Variants in DNM3 observed in about 807,000 individuals in gnomAD.
The protein encoded by DNM3 is dynamin 3, also known as dynamin-3.
Under a neutral mutation model 101.6 loss-of-function variants are expected in DNM3, and 47 were observed. The observed-to-expected ratio is 0.46, with a 90% CI of 0.37 to 0.59. The LOEUF is 0.59. Among genes scored for constraint, DNM3 ranks in the 20% least tolerant of loss-of-function variants. The pLI is 0.00. For synonymous variants in DNM3, 385 were observed against 387.9 expected (o/e 0.99, Z 0.09); for missense variants, 849 against 1,085.7 (o/e 0.78, Z 3.06).
chr1:172,111,412 A>C (rs2055469173), intron 13 of DNM3, among the ~76,000 whole-genome samples: 1 of 152,258 alleles, frequency 6.6e-6, no homozygotes, highest in African/African-American at 2.4e-5. Context: ...CTACTTGATA[A>C]TAATATCAGC....
intron 16 of DNM3, among the ~76,000 whole-genome samples, chr1:172,321,462 C>T (rs909621412): frequency 6.6e-6 from 1 of 152,176 alleles, no homozygotes; most frequent in Non-Finnish European, 1.5e-5. Context: ...ATTGCTGCCA[C>T]ACAGAGTAGT....
At chr1:172,225,039 T>G (rs1424788964) in intron 14 of DNM3, among the ~76,000 whole-genome samples, 1 of 151,920 alleles carries the variant, frequency 6.6e-6, no homozygotes, top group Non-Finnish European at 1.5e-5. Context: ...GAGTCAGGAC[T>G]AGGACTCAGG....
chr1:172,390,424 G>T (rs1046181944), intron 20 of DNM3, among the ~76,000 whole-genome samples: 6 of 152,188 alleles, frequency 3.9e-5, no homozygotes, highest in African/African-American at 1.4e-4. Flanking sequence ...TCCTGACCAT[G>T]ACCCCAGGGT....
chr1:172,179,223 A>C (rs1202434499), intron 14 of DNM3, among the ~76,000 whole-genome samples: 2 of 151,982 alleles, frequency 1.3e-5, no homozygotes, highest in East Asian at 3.9e-4. Flanking sequence ...ATCTACATGT[A>C]ATGAAGTGGA....
At chr1:172,062,656 T>C (rs1265214822) in intron 10 of DNM3, among the ~76,000 whole-genome samples, 1 of 152,180 alleles carries the variant, frequency 6.6e-6, no homozygotes, top group African/African-American at 2.4e-5. Context: ...TTTCCCTTCC[T>C]GCCAACTTCA....
intron 10 of DNM3, 148 bp from the exon 11 acceptor site, chr1:172,068,671 A>G (rs2051899701): frequency 4.6e-6 from 3 of 656,220 alleles, no homozygotes; most frequent in Non-Finnish European, 8.0e-6. Flanking sequence ...CATCACCTTG[A>G]CATCCTTCTT....
In DNM3 at chr1:171,984,101, A is replaced by C. The variant is rs193127201; in HGVS notation, c.236-3555A>C. Among the ~76,000 whole-genome samples, 5 of 152,172 alleles carry C rather than the reference A, an allele frequency of 3.3e-5. No homozygotes were observed. In the East Asian group the frequency reaches 9.7e-4, roughly 29 times the overall value. On this transcript the variant is annotated intron_variant, in intron 2 of 20. Transcript: ENST00000627582. ...CAAATTCTGTTGCTTTTTCTTTCAA[A>C]ATACATTAGAATTTAACCACTCATC...
intron 2 of DNM3, among the ~76,000 whole-genome samples, chr1:171,962,218 G>A (rs985046274): frequency 1.5e-4 from 23 of 152,094 alleles, no homozygotes; most frequent in Admixed American, 2.0e-4. Context: ...ACTCTTAGAG[G>A]CTCCTTTCAC....
intron 14 of DNM3, among the ~76,000 whole-genome samples, chr1:172,194,805 C>A (rs2059887954): frequency 1.3e-5 from 2 of 152,034 alleles, no homozygotes; most frequent in African/African-American, 2.4e-5. Context: ...TGGGTCTTGA[C>A]TCTTTATCCA....
intron 14 of DNM3, among the ~76,000 whole-genome samples, chr1:172,172,792 C>A (rs116445403): frequency 6.6e-6 from 1 of 151,750 alleles, no homozygotes; most frequent in Non-Finnish European, 1.5e-5. Flanking sequence ...CACTTCCCAT[C>A]CCGAGTAGGC....
intron 14 of DNM3, among the ~76,000 whole-genome samples, chr1:172,222,202 T>A (rs1035214170): frequency 6.6e-6 from 1 of 152,168 alleles, no homozygotes; most frequent in Admixed American, 6.6e-5. Context: ...GAAAGAAACA[T>A]GGCCACTTGC....
chr1:171,895,223 C>T (rs1388916081), intron 1 of DNM3, among the ~76,000 whole-genome samples: 1 of 152,230 alleles, frequency 6.6e-6, no homozygotes, highest in Non-Finnish European at 1.5e-5. Flanking sequence ...CTGTCTTCCA[C>T]AGTGGTTGAA....
Position 172,280,085 on chromosome 1 carries a change from C to T in DNM3, c.1769+26403C>T, listed in dbSNP as rs145441213. Among the ~76,000 whole-genome samples the T allele has an allele frequency of 4.7e-3, 723 of 152,216 alleles. 3 individuals carry two copies. Among genetic ancestry groups the T allele is most frequent in the African/African-American group, 0.016 (683 of 41,530 alleles). ...TGCTCCAGTGATACTGGCCTCCTTA[C>T]TGCTTCTTGAATATGTTGAGCTTGT... On this transcript the variant is annotated intron_variant, in intron 15 of 20. Transcript: ENST00000627582.
At chr1:172,002,941 T>TG (rs1392046171) in intron 4 of DNM3, among the ~76,000 whole-genome samples, 1 of 151,946 alleles carries the variant, frequency 6.6e-6, no homozygotes, top group African/African-American at 2.4e-5. Context: ...CCACTGGGGG[T>TG]CACTGTAAAG....
intron 2 of DNM3, among the ~76,000 whole-genome samples, chr1:171,932,291 A>G (rs1436491891): frequency 1.3e-5 from 2 of 151,262 alleles, no homozygotes; most frequent in Non-Finnish European, 2.9e-5. Context: ...ACGGGCATGC[A>G]CCACCAGGCA....
At chr1:172,027,840 T>A (rs2048325145) in intron 4 of DNM3, among the ~76,000 whole-genome samples, 2 of 152,094 alleles carry the variant, frequency 1.3e-5, no homozygotes, top group Non-Finnish European at 2.9e-5. Context: ...CATTACATAA[T>A]GGTAAAGGGA....
chr1:171,886,105 A>G (rs958109583), intron 1 of DNM3, among the ~76,000 whole-genome samples: 2 of 152,196 alleles, frequency 1.3e-5, no homozygotes, highest in Non-Finnish European at 2.9e-5. Context: ...AATTCTGGGA[A>G]TTTTGCTAAA....
intron 13 of DNM3, among the ~76,000 whole-genome samples, chr1:172,114,330 C>T (rs909014825): frequency 6.6e-6 from 1 of 152,122 alleles, no homozygotes; most frequent in Admixed American, 6.5e-5. Flanking sequence ...ATAGCCAGTG[C>T]GGCTGAAACA....
chr1:172,315,061 G>A (rs1182665627), intron 16 of DNM3, among the ~76,000 whole-genome samples: 1 of 152,170 alleles, frequency 6.6e-6, no homozygotes, highest in Non-Finnish European at 1.5e-5. Flanking sequence ...GGAACAATCA[G>A]ACAGCAGCAT....
Sources: gnomAD v4.1 joint callset for allele counts (sites outside exome capture counted in the v4.1 genomes callset) on GRCh38, gnomAD v4.1.1 for gene constraint, MANE v1.5 for transcripts, NCBI Gene and HGNC (gene_info 2026-07-23, HGNC 2026-07-21) for gene names.